KCNN2: variants seen among roughly 807,000 people sequenced by gnomAD.
The protein encoded by KCNN2 is potassium calcium-activated channel subfamily N member 2, also known as small conductance calcium-activated potassium channel protein 2.
KCNN2 carries 24 observed loss-of-function variants against 55.5 expected under a neutral mutation model. The observed-to-expected ratio is 0.43, with a 90% CI of 0.31 to 0.61. KCNN2 has a LOEUF of 0.61. KCNN2 is among the 20% of genes least tolerant of loss of function. The pLI is 0.08. For synonymous variants in KCNN2, 431 were observed against 336.1 expected, an observed-to-expected ratio of 1.28 and a Z score of -3.09; for missense variants, 754 against 853.6, an observed-to-expected ratio of 0.88 and a Z score of 1.45.
intron 1 of KCNN2, among the ~76,000 whole-genome samples, chr5:114,217,076 G>A (rs536635399): frequency 6.6e-6 from 1 of 152,100 alleles, no homozygotes; most frequent in East Asian, 1.9e-4. Flanking sequence ...CTTGTATGAG[G>A]AAAGCTACAA....
At chr5:114,273,465 A>T (rs1755414613) in intron 2 of KCNN2, among the ~76,000 whole-genome samples, 1 of 152,114 alleles carries the variant, frequency 6.6e-6, no homozygotes, top group South Asian at 2.1e-4. Context: ...TGGTTGAACT[A>T]ATTTACACTC....
At chr5:114,180,066 C>T (rs73779735) in intron 1 of KCNN2, among the ~76,000 whole-genome samples, 3,736 of 152,200 alleles carry the variant, frequency 0.025, 140 homozygotes, top group African/African-American at 0.085. Context: ...CCCTGAAGCA[C>T]GAGGGTGGGT....
chr5:114,278,409 G>A (rs1337347658), intron 2 of KCNN2, among the ~76,000 whole-genome samples: 6 of 152,224 alleles, frequency 3.9e-5, no homozygotes, highest in African/African-American at 9.6e-5. Flanking sequence ...ATTTAAGTCT[G>A]GAGAAGCTGT....
chr5:114,363,770 A>G (rs748573804), intron 1 of KCNN2, 136 bp from the exon 2 acceptor site: 50 of 632,970 alleles, frequency 7.9e-5, no homozygotes, highest in African/African-American at 1.3e-4. Context: ...CAGAGCCAAG[A>G]CAGGTGCACC....
At chr5:114,133,224 C>G (rs1349221433) in intron 1 of KCNN2, among the ~76,000 whole-genome samples, 2 of 151,686 alleles carry the variant, frequency 1.3e-5, no homozygotes, top group Non-Finnish European at 2.9e-5. Flanking sequence ...GTGGGTTCCT[C>G]TATTTTTATT....
chr5:114,263,816 C>T (rs1021296137), intron 2 of KCNN2, among the ~76,000 whole-genome samples: 3 of 152,168 alleles, frequency 2.0e-5, no homozygotes, highest in Non-Finnish European at 2.9e-5. Flanking sequence ...CCCTGCCTCT[C>T]ATAAGGGAGT....
intron 1 of KCNN2, among the ~76,000 whole-genome samples, chr5:114,143,622 G>A (rs1472393795): frequency 2.0e-5 from 3 of 152,132 alleles, no homozygotes; most frequent in Non-Finnish European, 2.9e-5. Flanking sequence ...TCTGTGATAG[G>A]AATCTTGGTG....
intron 2 of KCNN2, among the ~76,000 whole-genome samples, chr5:114,368,764 A>G (rs1757677790): frequency 6.6e-6 from 1 of 152,152 alleles, no homozygotes; most frequent in Non-Finnish European, 1.5e-5. Flanking sequence ...TTATATATAT[A>G]CCTTCAGAAT....
At chr5:114,372,147 G>C (rs115886549) in intron 2 of KCNN2, among the ~76,000 whole-genome samples, 1 of 152,154 alleles carries the variant, frequency 6.6e-6, no homozygotes, top group South Asian at 2.1e-4. Context: ...AGACTCCAGC[G>C]TTTAAATTGG....
At chr5:114,307,052 T>C (rs60396138) in intron 2 of KCNN2, among the ~76,000 whole-genome samples, 1 of 152,116 alleles carries the variant, frequency 6.6e-6, no homozygotes, top group Admixed American at 6.6e-5. Flanking sequence ...CTAGTATCAG[T>C]GTTAGACCCT....
chr5:114,248,765 T>G (rs1256644804), intron 2 of KCNN2, among the ~76,000 whole-genome samples: 1 of 152,214 alleles, frequency 6.6e-6, no homozygotes, highest in Non-Finnish European at 1.5e-5. Flanking sequence ...TTCCAAGTAC[T>G]TTTTCTGACT....
intron 3 of KCNN2, among the ~76,000 whole-genome samples, chr5:114,425,718 T>A (rs955228650): frequency 6.6e-6 from 1 of 152,150 alleles, no homozygotes; most frequent in South Asian, 2.1e-4. Flanking sequence ...CAACCACTTC[T>A]TAGTACCTCC....
chr5:114,366,434 C>G lies in KCNN2; in HGVS notation c.1218+2433C>G, dbSNP rs535101030. Among the ~76,000 whole-genome samples, 4 of 152,186 alleles carry G rather than the reference C, an allele frequency of 2.6e-5. No homozygotes were observed. The South Asian group carries it at 8.3e-4, about 32-fold the overall frequency. ...TTAATTTGGATGTAGCTTTTTTACTCGGTGTATTATCTAGAGGGATTTCTC... is the reference window on the plus strand; with the variant it reads ...TTAATTTGGATGTAGCTTTTTTACTGGGTGTATTATCTAGAGGGATTTCTC... On this transcript the variant is annotated intron_variant, in intron 2 of 7. Coordinates refer to ENST00000673685, the MANE Select transcript of KCNN2 (RefSeq NM_021614.4).
At chr5:114,142,422 T>A (rs539682714) in intron 1 of KCNN2, among the ~76,000 whole-genome samples, 1 of 152,112 alleles carries the variant, frequency 6.6e-6, no homozygotes, top group Non-Finnish European at 1.5e-5. Flanking sequence ...TGTCAGGAAG[T>A]CAAATTGTCC....
At chr5:114,161,555 C>G (rs915289643) in intron 1 of KCNN2, among the ~76,000 whole-genome samples, 1 of 152,086 alleles carries the variant, frequency 6.6e-6, no homozygotes, top group African/African-American at 2.4e-5. Context: ...GCCTGCCTTG[C>G]TAGATTGGGG....
chr5:114,134,728 G>A (rs1285558824), intron 1 of KCNN2, among the ~76,000 whole-genome samples: 1 of 152,020 alleles, frequency 6.6e-6, no homozygotes, highest in Non-Finnish European at 1.5e-5. Context: ...ATCCGTCTTG[G>A]TCTCCCAAAG....
intron 3 of KCNN2, among the ~76,000 whole-genome samples, chr5:114,431,737 T>TA (rs1364557912): frequency 6.6e-6 from 1 of 152,182 alleles, no homozygotes; most frequent in East Asian, 1.9e-4. Context: ...TCCTTCCAAG[T>TA]ACTGCTTTTG....
chr5:114,294,558 C>T (rs1755967207), intron 2 of KCNN2, among the ~76,000 whole-genome samples: 4 of 152,104 alleles, frequency 2.6e-5, no homozygotes, highest in East Asian at 1.9e-4. Flanking sequence ...GTCTGAGAGA[C>T]AGTTTGTTAT....
intron 3 of KCNN2, among the ~76,000 whole-genome samples, chr5:114,415,912 A>G (rs1229114464): frequency 6.6e-6 from 1 of 152,092 alleles, no homozygotes; most frequent in Non-Finnish European, 1.5e-5. Flanking sequence ...TTGCCTCCCA[A>G]AGCCATGCAG....
Sources: gnomAD v4.1 joint callset for allele counts (sites outside exome capture counted in the v4.1 genomes callset) on GRCh38, gnomAD v4.1.1 for gene constraint, MANE v1.5 for transcripts, NCBI Gene and HGNC (gene_info 2026-07-23, HGNC 2026-07-21) for gene names.